Variants in PTPRT observed in about 807,000 individuals in gnomAD.
PTPRT encodes the protein protein tyrosine phosphatase receptor type T.
PTPRT carries 56 observed loss-of-function variants against 176.8 expected under a neutral mutation model. That is an observed-to-expected ratio of 0.32 (90% confidence interval 0.26 to 0.40). The LOEUF is 0.40. Ranked by LOEUF, PTPRT falls within the 10% of genes least tolerant of loss-of-function variation. The probability of loss-of-function intolerance (pLI) is 1.00; values close to 1 mark genes in which losing one functional copy is unlikely to be tolerated. For missense variants in PTPRT, 1,540 were observed against 1,908.2 expected (o/e 0.81, Z 3.60); for synonymous variants, 783 against 739.0 (o/e 1.06, Z -0.96).
At chr20:43,174,390 A>G (rs2015077587) in intron 1 of PTPRT, among the ~76,000 whole-genome samples, 1 of 152,202 alleles carries the variant, frequency 6.6e-6, no homozygotes, top group South Asian at 2.1e-4. Context: ...CTGGCCCATT[A>G]CAAGTATTTA....
intron 7 of PTPRT, among the ~76,000 whole-genome samples, chr20:42,491,126 T>C (rs752946303): frequency 6.6e-6 from 1 of 152,188 alleles, no homozygotes; most frequent in Non-Finnish European, 1.5e-5. Context: ...ATAATTATTA[T>C]TTTTGTAAAA....
chr20:42,847,545 G>A (rs550423302), intron 2 of PTPRT, among the ~76,000 whole-genome samples: 14 of 152,274 alleles, frequency 9.2e-5, no homozygotes, highest in African/African-American at 3.4e-4. Flanking sequence ...AGCACTCAAG[G>A]CACGAGATGT....
At chr20:42,531,399 A>G (rs1391960462) in intron 7 of PTPRT, among the ~76,000 whole-genome samples, 5 of 152,260 alleles carry the variant, frequency 3.3e-5, no homozygotes, top group Non-Finnish European at 5.9e-5. Flanking sequence ...GGAGGTTTCT[A>G]TAAATTGATT....
At chr20:42,326,665 T>C (rs1195370723) in intron 11 of PTPRT, among the ~76,000 whole-genome samples, 1 of 152,160 alleles carries the variant, frequency 6.6e-6, no homozygotes, top group African/African-American at 2.4e-5. Flanking sequence ...TTTAAAAGAC[T>C]ATCTCCAGCC....
At chr20:43,101,492 G>A (rs566834220) in intron 1 of PTPRT, among the ~76,000 whole-genome samples, 32 of 152,172 alleles carry the variant, frequency 2.1e-4, no homozygotes, top group South Asian at 4.1e-4. Flanking sequence ...ATTTTAATGC[G>A]TACCTCATAG....
At chr20:43,030,479 C>CA (rs1402826254) in intron 1 of PTPRT, among the ~76,000 whole-genome samples, 1 of 140,920 alleles carries the variant, frequency 7.1e-6, no homozygotes, top group Non-Finnish European at 1.5e-5. Flanking sequence ...TCCAGTAGCC[C>CA]AAAAGGGGGA....
rs1422346072 is a variant in PTPRT at position 43,097,488 on chromosome 20, C to T, written c.88+92158G>A. Among the ~76,000 whole-genome samples, 71 of 152,202 alleles carry T rather than the reference C, an allele frequency of 4.7e-4. 1 individual carries two copies. The highest frequency in any genetic ancestry group is 1.2e-4 in the Non-Finnish European group (8 of 68,046). ...CAAGGCACTCATTCTATGCCGGGCA[C>T]TGTTTACTCTTTCAGTCCTTAGAAT... On this transcript the variant is annotated intron_variant, in intron 1 of 30. Coordinates refer to ENST00000373187, the MANE Select transcript of PTPRT (RefSeq NM_007050.6).
chr20:42,569,559 A>G (rs954535948), intron 7 of PTPRT, among the ~76,000 whole-genome samples: 9 of 151,858 alleles, frequency 5.9e-5, no homozygotes, highest in African/African-American at 2.2e-4. Context: ...CTGTCTATAA[A>G]CTCACTCCTG....
At chr20:42,945,514 A>G (rs1568693347) in intron 1 of PTPRT, among the ~76,000 whole-genome samples, 1 of 152,208 alleles carries the variant, frequency 6.6e-6, no homozygotes, top group Non-Finnish European at 1.5e-5. Flanking sequence ...CATGGAAGAG[A>G]CAAAACCCCA....
chr20:42,092,305 C>T (rs1297710186), intron 27 of PTPRT, among the ~76,000 whole-genome samples: 1 of 152,194 alleles, frequency 6.6e-6, no homozygotes, highest in East Asian at 1.9e-4. Flanking sequence ...TGGAAGTAAA[C>T]ATGAGAAGAC....
chr20:42,927,732 G>C (rs1175064906), intron 1 of PTPRT, among the ~76,000 whole-genome samples: 4 of 152,150 alleles, frequency 2.6e-5, no homozygotes, highest in African/African-American at 9.7e-5. Context: ...GTCCACGTGG[G>C]ACTTCACCTC....
At position 42,775,972 on chromosome 20, in the gene PTPRT, G is replaced by A. The variant is rs371285770; in HGVS notation, c.568+4246C>T. Among the ~76,000 whole-genome samples, 32 of 152,240 alleles carry A rather than the reference G, an allele frequency of 2.1e-4. No individual in the cohort carries two copies. The East Asian group carries it at 3.1e-3, about 15-fold the overall frequency. On this transcript the variant is annotated intron_variant, in intron 4 of 30. Coordinates refer to ENST00000373187, the MANE Select transcript of PTPRT (RefSeq NM_007050.6). The stretch of plus-strand genomic sequence containing the variant: ...GGGGAAAAGCACCTTTAGTCTAAAG[G>A]AGAGTTCAGAAGCTACTATCCACTT...
chr20:42,429,710 G>A (rs547545368), intron 9 of PTPRT, among the ~76,000 whole-genome samples: 1 of 152,330 alleles, frequency 6.6e-6, no homozygotes, highest in East Asian at 1.9e-4. Context: ...CCAAGTTGTA[G>A]ACAGATGTAG....
At chr20:42,794,438 A>C (rs1286957329) in intron 2 of PTPRT, among the ~76,000 whole-genome samples, 2 of 152,192 alleles carry the variant, frequency 1.3e-5, no homozygotes, top group Non-Finnish European at 2.9e-5. Flanking sequence ...TTGAGTTTGG[A>C]TCTGCAGTTT....
chr20:43,127,203 C>T (rs906410601), intron 1 of PTPRT, among the ~76,000 whole-genome samples: 32 of 152,094 alleles, frequency 2.1e-4, no homozygotes, highest in African/African-American at 7.2e-4. Context: ...GCGGGCGGAT[C>T]ACAAGGTCAG....
chr20:43,086,764 C>G (rs1242551667), intron 1 of PTPRT, among the ~76,000 whole-genome samples: 4 of 152,154 alleles, frequency 2.6e-5, no homozygotes, highest in Non-Finnish European at 5.9e-5. Context: ...ACCTAGCAGG[C>G]TTAGAGCTTA....
At chr20:42,290,425 G>T (rs1278428150) in intron 12 of PTPRT, among the ~76,000 whole-genome samples, 1 of 151,942 alleles carries the variant, frequency 6.6e-6, no homozygotes, top group East Asian at 1.9e-4. Context: ...GCAATATTGG[G>T]TAACTCTCTG....
At chr20:42,630,255 C>G (rs1160914402) in intron 7 of PTPRT, among the ~76,000 whole-genome samples, 1 of 152,056 alleles carries the variant, frequency 6.6e-6, no homozygotes, top group Non-Finnish European at 1.5e-5. Flanking sequence ...AGATTCTGTC[C>G]CAGAACCTCT....
Position 42,586,518 on chromosome 20 carries a change from C to A in PTPRT, c.1153+91348G>T, listed in dbSNP as rs149689305. On this transcript the variant is annotated intron_variant, in intron 7 of 30. Coordinates refer to ENST00000373187, the MANE Select transcript of PTPRT (RefSeq NM_007050.6). ...GCTCCCAAAGTGGGGACTCCTCCAC[C>A]AGAGCCTGCATTTTCCACTTTTTGC... 2.3e-3 allele frequency among the ~76,000 whole-genome samples: 354 copies of A among 152,266 alleles called. 2 individuals are homozygous for A. The highest frequency in any genetic ancestry group is 5.9e-3 in the Admixed American group (90 of 15,298).
Sources: allele counts gnomAD v4.1 joint callset (sites outside exome capture counted in the v4.1 genomes callset), GRCh38; gene constraint gnomAD v4.1.1; transcripts MANE v1.5; gene names NCBI Gene and HGNC (gene_info 2026-07-23, HGNC 2026-07-21).